The following CORIN variants were observed in gnomAD, a reference collection of about 807,000 sequenced individuals.
CORIN encodes the protein atrial natriuretic peptide-converting enzyme.
Under a neutral mutation model 125.3 loss-of-function variants are expected in CORIN, and 117 were observed. The observed-to-expected ratio is 0.93, with a 90% CI of 0.80 to 1.09. The LOEUF is 1.09. Among genes scored for constraint, CORIN ranks in the 50% least tolerant of loss-of-function variants. The pLI, the probability that CORIN is intolerant of heterozygous loss-of-function variation, is 0.00. For missense variants in CORIN, 1,253 were observed against 1,306.7 expected (o/e 0.96, Z 0.63); for synonymous variants, 450 against 466.4 (o/e 0.96, Z 0.45).
chr4:47,617,617 C>T (rs1419365275), intron 19 of CORIN, among the ~76,000 whole-genome samples: 2 of 152,174 alleles, frequency 1.3e-5, no homozygotes, highest in African/African-American at 4.8e-5. Flanking sequence ...AAACAGCACC[C>T]CATGGGAGGT....
rs540228455 is a variant in CORIN, at chr4:47,615,183, A to G, written c.2540+8388T>C. On this transcript the variant is annotated intron_variant, in intron 19 of 21. Transcript: ENST00000273857. ...TAGCATGGTTAGAGCCCAGTGAGTGATGGGAGACTAGAAGGAGACACAGTC... is the reference window on the plus strand; with the variant it reads ...TAGCATGGTTAGAGCCCAGTGAGTGGTGGGAGACTAGAAGGAGACACAGTC... 7.2e-5 allele frequency among the ~76,000 whole-genome samples: 11 copies of G among 152,338 alleles called. 1 individual carries two copies. The South Asian group carries it at 2.3e-3, about 32-fold the overall frequency.
intron 3 of CORIN, among the ~76,000 whole-genome samples, chr4:47,785,716 A>AT (rs1730763974): frequency 6.6e-6 from 1 of 151,988 alleles, no homozygotes; most frequent in South Asian, 2.1e-4. Flanking sequence ...GTTCAAGACC[A>AT]GCCTGACTAA....
intron 5 of CORIN, among the ~76,000 whole-genome samples, chr4:47,702,216 T>A (rs1226791450): frequency 6.6e-6 from 1 of 152,136 alleles, no homozygotes; most frequent in African/African-American, 2.4e-5. Context: ...TCACTATGAA[T>A]CATAAAATGA....
At chr4:47,753,748 GT>G (rs1052476939) in intron 4 of CORIN, among the ~76,000 whole-genome samples, 1 of 151,686 alleles carries the variant, frequency 6.6e-6, no homozygotes, top group African/African-American at 2.4e-5. Context: ...CTGTTACTCT[GT>G]TTTTTTTCAA....
At chr4:47,623,060 A>G (rs1035677594) in intron 19 of CORIN, among the ~76,000 whole-genome samples, 1 of 125,780 alleles carries the variant, frequency 8.0e-6, no homozygotes, top group East Asian at 2.7e-4. Context: ...ATAAAATGGC[A>G]TAACATAACC....
chr4:47,614,462 G>T (rs2109534266), intron 19 of CORIN, among the ~76,000 whole-genome samples: 1 of 152,314 alleles, frequency 6.6e-6, no homozygotes, highest in East Asian at 1.9e-4. Flanking sequence ...GCCTCCCAAA[G>T]TGCTGGGATT....
rs1722447850 is a variant in CORIN, at chr4:47,623,934, C to G, written c.2330G>C (p.Ser777Thr). 3.1e-6 allele frequency: 5 copies of G among 1,613,650 alleles called. No homozygotes were observed. Among genetic ancestry groups the G allele is most frequent in the Non-Finnish European group, 4.2e-6 (5 of 1,179,570 alleles). Residue 777 changes from serine to threonine, a missense_variant, in exon 18 of 22, where the codon AGC becomes ACC. Coordinates refer to ENST00000273857, the MANE Select transcript of CORIN (RefSeq NM_006587.4). ...ELLVNGQSCE[S>T]RSKISLLCTK... ...ACACAGAAGAGAAATTTTACTTCTG[C>G]TCTCACAAGACTGCCTGGATTTGGA...
intron 3 of CORIN, among the ~76,000 whole-genome samples, chr4:47,770,613 T>C (rs1436018950): frequency 6.6e-6 from 1 of 152,160 alleles, no homozygotes; most frequent in Non-Finnish European, 1.5e-5. Flanking sequence ...AGCGAAGATA[T>C]GGACTCAATA....
chr4:47,770,012 T>C (rs1729948986), intron 3 of CORIN, among the ~76,000 whole-genome samples: 7 of 152,102 alleles, frequency 4.6e-5, no homozygotes, highest in Admixed American at 4.6e-4. Flanking sequence ...AATACACAAA[T>C]GGGATTACAT....
intron 11 of CORIN, among the ~76,000 whole-genome samples, chr4:47,663,767 G>A (rs1389104850): frequency 6.6e-6 from 1 of 152,148 alleles, no homozygotes; most frequent in Non-Finnish European, 1.5e-5. Context: ...CAAAAGTGAA[G>A]TAAGATTTAA....
intron 17 of CORIN, among the ~76,000 whole-genome samples, chr4:47,624,298 A>G (rs1722464153): frequency 6.6e-6 from 1 of 152,214 alleles, no homozygotes; most frequent in Non-Finnish European, 1.5e-5. Flanking sequence ...ACCACAATGC[A>G]AATTCAAACT....
chr4:47,832,093 GA>G (rs1233371640), intron 1 of CORIN, among the ~76,000 whole-genome samples: 16 of 152,184 alleles, frequency 1.1e-4, no homozygotes, highest in African/African-American at 3.9e-4. Flanking sequence ...CAACATGTAG[GA>G]GTACATATGG....
intron 16 of CORIN, among the ~76,000 whole-genome samples, chr4:47,636,152 A>C (rs1423716301): frequency 6.6e-6 from 1 of 152,176 alleles, no homozygotes; most frequent in Admixed American, 6.5e-5. Flanking sequence ...TGTTTGACCA[A>C]CTTCTATTGA....
intron 21 of CORIN, 53 bp downstream of exon 21, chr4:47,600,161 C>T (rs1463654964): frequency 6.5e-7 from 1 of 1,532,046 alleles, no homozygotes; most frequent in East Asian, 2.3e-5. Flanking sequence ...TTATAGGAAT[C>T]CACTGAAGTT....
At chr4:47,791,329 A>G (rs1577926909) in intron 2 of CORIN, among the ~76,000 whole-genome samples, 1 of 152,220 alleles carries the variant, frequency 6.6e-6, no homozygotes, top group African/African-American at 2.4e-5. Flanking sequence ...TAGAAAAAGC[A>G]AGAGAATAGA....
chr4:47,777,270 C>A (rs145860562), intron 3 of CORIN, among the ~76,000 whole-genome samples: 176 of 152,280 alleles, frequency 1.2e-3, no homozygotes, highest in Non-Finnish European at 2.0e-3. Flanking sequence ...TAGAAAAGTA[C>A]ACAGGCATGA....
intron 20 of CORIN, among the ~76,000 whole-genome samples, 167 bp from the exon 21 acceptor site, chr4:47,600,514 A>T (rs1231505236): frequency 1.3e-5 from 2 of 152,220 alleles, no homozygotes; most frequent in Non-Finnish European, 2.9e-5. Flanking sequence ...CTGGTTTGGA[A>T]TCAGAATTTT....
intron 10 of CORIN, among the ~76,000 whole-genome samples, chr4:47,665,589 T>A (rs1724444502): frequency 6.6e-6 from 1 of 152,198 alleles, no homozygotes; most frequent in Non-Finnish European, 1.5e-5. Flanking sequence ...CTCCAATTCA[T>A]CTTCTTCTTC....
intron 3 of CORIN, among the ~76,000 whole-genome samples, chr4:47,783,468 T>C (rs903518155): frequency 6.6e-6 from 1 of 152,108 alleles, no homozygotes; most frequent in African/African-American, 2.4e-5. Context: ...TGTCTTGGCA[T>C]GACATGAAGA....
Sources: allele counts gnomAD v4.1 joint callset (sites outside exome capture counted in the v4.1 genomes callset), GRCh38; gene constraint gnomAD v4.1.1; transcripts MANE v1.5; gene names NCBI Gene and HGNC (gene_info 2026-07-23, HGNC 2026-07-21).